Variants in KAT14 observed in about 807,000 individuals in gnomAD.
KAT14 encodes cysteine-rich protein 2-binding protein.
A neutral mutation model predicts 78.4 loss-of-function variants in KAT14; 66 were observed. That is an observed-to-expected ratio of 0.84 (90% CI 0.69 to 1.03). The LOEUF is 1.03. Among genes scored for constraint, KAT14 ranks in the 50% least tolerant of loss-of-function variants. The probability of loss-of-function intolerance (pLI) is 0.00; values close to 1 mark genes in which losing one functional copy is unlikely to be tolerated. For missense variants in KAT14, 870 were observed against 972.5 expected (o/e 0.89, Z 1.40); for synonymous variants, 344 against 359.4 (o/e 0.96, Z 0.48).
In KAT14 at chr20:18,141,844, C is replaced by A. The variant is rs182790833; in HGVS notation, c.-453-364C>A. Among the ~76,000 whole-genome samples the A allele has an allele frequency of 3.5e-4, 54 of 152,206 alleles. 2 individuals are homozygous for A. The Middle Eastern group carries it at 0.014, about 38-fold the overall frequency. ...GGTTGCGGTGAGCTGCGGAGTGCAG[C>A]CACTGCACTCCAGCCTGGGCGACAG... On this transcript the variant is annotated intron_variant, in intron 1 of 10. Transcript: ENST00000688188.
intron 7 of KAT14, among the ~76,000 whole-genome samples, chr20:18,178,453 G>A (rs1056374270): frequency 1.3e-5 from 2 of 152,138 alleles, no homozygotes; most frequent in African/African-American, 4.8e-5. Flanking sequence ...AAGAAAAAGA[G>A]GTTTAATTGG....
At position 18,142,551 on chromosome 20, in the gene KAT14, CTT is replaced by C. The variant is rs1169272276; in HGVS notation, c.-106_-105del. The C allele has an allele frequency of 2.0e-6, 3 of 1,518,398 alleles. No homozygotes were observed. The highest frequency in any genetic ancestry group is 2.7e-6 in the Non-Finnish European group (3 of 1,131,512). The allele number at this position is 1,518,398 out of a possible 1,614,324, so 94.1% of individuals were successfully genotyped here. A position where few individuals can be genotyped will look rare whatever the true frequency, so the allele number is the denominator to read the frequency against. Reference sequence around the variant, plus strand: ...CTGAATAAAGGAGTGTGGGCAGACACTTTTTGGAAGAGTCTGTCTGGGTGATC... The same window carrying C: ...CTGAATAAAGGAGTGTGGGCAGACACTTTGGAAGAGTCTGTCTGGGTGATC... On this transcript the variant is annotated 5_prime_UTR_variant, in exon 2 of 11. Transcript: ENST00000688188.
chr20:18,141,040 T>TTTTTA (rs1568661531), intron 1 of KAT14, among the ~76,000 whole-genome samples: 3 of 55,150 alleles, frequency 5.4e-5, no homozygotes, highest in African/African-American at 7.2e-5. Flanking sequence ...TTTTTTTTTT[T>TTTTTA]TTTTTTATTT....
chr20:18,141,278 G>T (rs2037566099), intron 1 of KAT14, among the ~76,000 whole-genome samples: 1 of 152,026 alleles, frequency 6.6e-6, no homozygotes, highest in African/African-American at 2.4e-5. Context: ...TGGGTGCCAG[G>T]TCCACGTTCT....
At chr20:18,183,737 C>G (rs573979703) in intron 9 of KAT14, among the ~76,000 whole-genome samples, 2 of 152,282 alleles carry the variant, frequency 1.3e-5, no homozygotes, top group Admixed American at 6.5e-5. Flanking sequence ...ATGCCCTGAT[C>G]ACAGACTGAG....
intron 3 of KAT14, among the ~76,000 whole-genome samples, chr20:18,148,926 A>G (rs1426723918): frequency 1.3e-5 from 2 of 152,108 alleles, no homozygotes; most frequent in Admixed American, 1.3e-4. Flanking sequence ...TCATTCTTTT[A>G]GATCATAAAT....
In KAT14 at chr20:18,142,334, G is replaced by T. The variant is rs1013719349; in HGVS notation, c.-327G>T. ...AGCAGAAAGAGAGAAGATGTTATTG[G>T]CAAAAGGATCTCAAAAATCATGACT... On this transcript the variant is annotated 5_prime_UTR_variant, in exon 2 of 11. Transcript: ENST00000688188. The T allele has an allele frequency of 6.5e-7, 1 of 1,536,398 alleles. No individual in the cohort carries two copies. The highest frequency in any genetic ancestry group is 8.7e-7 in the Non-Finnish European group (1 of 1,146,356).
intron 7 of KAT14, among the ~76,000 whole-genome samples, chr20:18,167,384 G>T (rs1283810081): frequency 6.6e-6 from 1 of 152,156 alleles, no homozygotes; most frequent in Non-Finnish European, 1.5e-5. Flanking sequence ...GTGGGATTTT[G>T]GGAAGTAGTA....
At chr20:18,153,739 C>T (rs536718284) in intron 4 of KAT14, among the ~76,000 whole-genome samples, 14 of 152,190 alleles carry the variant, frequency 9.2e-5, no homozygotes, top group Non-Finnish European at 2.1e-4. Context: ...GGTATATCAC[C>T]GGAATTATTA....
chr20:18,168,004 T>A (rs971403051), intron 7 of KAT14, among the ~76,000 whole-genome samples: 3 of 152,222 alleles, frequency 2.0e-5, no homozygotes, highest in African/African-American at 7.2e-5. Context: ...CTTTCTAGAT[T>A]AATTTCTTGC....
chr20:18,156,211 A>G (rs2038220611), intron 4 of KAT14, among the ~76,000 whole-genome samples: 1 of 152,138 alleles, frequency 6.6e-6, no homozygotes, highest in African/African-American at 2.4e-5. Flanking sequence ...CAGAACGTAG[A>G]ATGGTGGTTG....
chr20:18,187,945 T>C lies in KAT14; in HGVS notation c.*486T>C, dbSNP rs556061852. The C allele has an allele frequency of 4.5e-5, 7 of 157,064 alleles. No individual in the cohort carries two copies. Among genetic ancestry groups the C allele is most frequent in the South Asian group, 3.9e-4 (2 of 5,100 alleles). 9.7% of individuals were successfully genotyped at this position (157,064 alleles called of 1,614,324 possible). A position where few individuals can be genotyped will look rare whatever the true frequency, so the allele number is the denominator to read the frequency against. On this transcript the variant is annotated 3_prime_UTR_variant, in exon 11 of 11. Transcript: ENST00000688188. ...CGGCCATTGATGTGTTGTCATTGAA[T>C]CCAGGAGGATTTCTAGGGCACTGAA...
chr20:18,161,089 G>T (rs56175154), intron 5 of KAT14, among the ~76,000 whole-genome samples: 5,387 of 151,742 alleles, frequency 0.036, 319 homozygotes, highest in African/African-American at 0.12. Context: ...CAGGAGAATT[G>T]CTTGAACCCG....
chr20:18,182,265 G>A (rs1446163911), intron 8 of KAT14, among the ~76,000 whole-genome samples: 1 of 151,966 alleles, frequency 6.6e-6, no homozygotes, highest in East Asian at 1.9e-4. Flanking sequence ...GGGATTATAG[G>A]CATGCACCAC....
chr20:18,159,007 G>A, intron 4 of KAT14, 77 bp from the exon 5 acceptor site: 1 of 1,472,350 alleles, frequency 6.8e-7, no homozygotes, highest in Non-Finnish European at 9.0e-7. Context: ...CAGGCCAGGA[G>A]TCACAGTATA....
rs1432806353 is a variant in KAT14, at chr20:18,187,183, G to A, written c.2173-103G>A. The A allele has an allele frequency of 1.3e-5, 19 of 1,424,920 alleles. No homozygotes were observed. The South Asian group carries it at 2.1e-4, about 16-fold the overall frequency. 88.3% of individuals were successfully genotyped at this position (1,424,920 alleles called of 1,614,324 possible). ...CTCAGCCTCAGTCTCTGATTTCTCC[G>A]GTTTCCATAACTAACTGCCTACACT... is the stretch of plus-strand genomic sequence containing the variant. On this transcript the variant is annotated intron_variant, in intron 10 of 10. Coordinates refer to ENST00000688188, the MANE Select transcript of KAT14 (RefSeq NM_001392073.1).
intron 7 of KAT14, among the ~76,000 whole-genome samples, chr20:18,163,942 T>G (rs530429476): frequency 1.1e-4 from 17 of 152,366 alleles, no homozygotes; most frequent in African/African-American, 3.8e-4. Context: ...AAATAAGTAT[T>G]TCTGCCAGAT....
chr20:18,166,793 A>G (rs181329136), intron 7 of KAT14, among the ~76,000 whole-genome samples: 213 of 152,328 alleles, frequency 1.4e-3, no homozygotes, highest in African/African-American at 4.9e-3. Context: ...GAAAAGCTGC[A>G]TGGGAAGTAA....
At chr20:18,154,706 C>T (rs2038162856) in intron 4 of KAT14, among the ~76,000 whole-genome samples, 1 of 152,200 alleles carries the variant, frequency 6.6e-6, no homozygotes, top group Admixed American at 6.5e-5. Context: ...GATCCATTAA[C>T]TTTAAGATAC....
Sources: allele counts gnomAD v4.1 joint callset (sites outside exome capture counted in the v4.1 genomes callset), GRCh38; gene constraint gnomAD v4.1.1; transcripts MANE v1.5; gene names NCBI Gene and HGNC (gene_info 2026-07-23, HGNC 2026-07-21).